The following C10orf88 variants were observed in gnomAD, a reference collection of about 807,000 sequenced individuals.
The protein encoded by C10orf88 is chromosome 10 open reading frame 88.
Under a neutral mutation model 34.2 loss-of-function variants are expected in C10orf88, and 29 were observed. That is an observed-to-expected ratio of 0.85 (90% CI 0.63 to 1.16). The LOEUF is 1.16. Ranked by LOEUF, C10orf88 falls within the 50% of genes most tolerant of loss-of-function variation. The pLI is 0.00. For missense variants in C10orf88, 507 were observed against 533.2 expected (o/e 0.95, Z 0.48); for synonymous variants, 194 against 197.4 (o/e 0.98, Z 0.15).
chr10:122,934,077 T>C (rs1471928868), intron 5 of C10orf88, among the ~76,000 whole-genome samples: 1 of 152,182 alleles, frequency 6.6e-6, no homozygotes, highest in Admixed American at 6.5e-5. Context: ...CTCTGTATTT[T>C]GAAATAATTA....
intron 4 of C10orf88, among the ~76,000 whole-genome samples, chr10:122,940,167 T>C (rs763227960): frequency 1.3e-5 from 2 of 151,978 alleles, no homozygotes; most frequent in African/African-American, 2.4e-5. Context: ...CATTGACTGA[T>C]GTATTGATAA....
At chr10:122,953,276 G>A (rs574875975) in intron 1 of C10orf88, among the ~76,000 whole-genome samples, 10 of 151,938 alleles carry the variant, frequency 6.6e-5, no homozygotes, top group Non-Finnish European at 1.5e-4. Context: ...ACGGGGTTTC[G>A]CCGTGTTAGC....
rs1448213814 is a variant in C10orf88, at chr10:122,949,683, TTGACTG to T, written c.442-834_442-829del. ...TCCATTTAATATTTTTGGACCTCAG[TTGACTG>T]TGGGTAATGGAAACTGTGGAAAGTG... is the stretch of plus-strand genomic sequence containing the variant. On this transcript the variant is annotated intron_variant, in intron 3 of 5. Transcript: ENST00000481909. Among the ~76,000 whole-genome samples the T allele has an allele frequency of 7.9e-5, 12 of 152,310 alleles. No individual in the cohort carries two copies. In the East Asian group the frequency reaches 2.1e-3, roughly 27 times the overall value.
chr10:122,945,901 A>G (rs917506947), intron 4 of C10orf88, among the ~76,000 whole-genome samples: 1 of 152,138 alleles, frequency 6.6e-6, no homozygotes, highest in Non-Finnish European at 1.5e-5. Flanking sequence ...GTTCGAGACC[A>G]GCCTGGCCAA....
At position 122,949,396 on chromosome 10, in the gene C10orf88, A is replaced by T. The variant is rs146474823; in HGVS notation, c.442-541T>A. ...TACTTACCCTTCCTGTAATGACGTG[A>T]CATGATAAAATGCCTACATAATGAG... On this transcript the variant is annotated intron_variant, in intron 3 of 5. Transcript: ENST00000481909. Among the ~76,000 whole-genome samples the T allele has an allele frequency of 7.5e-3, 1,142 of 152,330 alleles. 14 individuals are homozygous for T. The highest frequency in any genetic ancestry group is 0.026 in the African/African-American group (1,086 of 41,580).
intron 3 of C10orf88, 96 bp downstream of exon 3, chr10:122,951,858 G>A: frequency 3.9e-6 from 3 of 764,086 alleles, no homozygotes. Flanking sequence ...AAGCAAGCAA[G>A]TTGGACTAAT....
intron 2 of C10orf88, among the ~76,000 whole-genome samples, chr10:122,952,230 T>C (rs1202587448): frequency 1.3e-5 from 2 of 152,174 alleles, no homozygotes; most frequent in Non-Finnish European, 1.5e-5. Context: ...GAAAATTACA[T>C]TATATAACAT....
chr10:122,938,642 T>C (rs1305075035), intron 4 of C10orf88, among the ~76,000 whole-genome samples: 1 of 152,026 alleles, frequency 6.6e-6, no homozygotes, highest in Non-Finnish European at 1.5e-5. Context: ...TCTTTTGCAA[T>C]GAATTTTTCC....
chr10:122,944,706 C>A (rs1423238644), intron 4 of C10orf88, among the ~76,000 whole-genome samples: 4 of 151,908 alleles, frequency 2.6e-5, no homozygotes, highest in African/African-American at 7.2e-5. Context: ...ATGGAGTGTA[C>A]TTGAAAAAAT....
chr10:122,951,158 T>G (rs1848686471), intron 3 of C10orf88, among the ~76,000 whole-genome samples: 1 of 152,200 alleles, frequency 6.6e-6, no homozygotes, highest in South Asian at 2.1e-4. Context: ...CTTAACAATA[T>G]TTTTCATGCT....
rs995698255 is a variant in C10orf88 at position 122,931,188 on chromosome 10, T to C, written c.*1239A>G. ...TGTCATGGAGCTAGCAGGAGCGTTA[T>C]TTAGCACAGAAATAAGATTATAAAA... On this transcript the variant is annotated 3_prime_UTR_variant, in exon 6 of 6. Coordinates refer to ENST00000481909, the MANE Select transcript of C10orf88 (RefSeq NM_024942.4). 6.6e-5 allele frequency: 10 copies of C among 152,170 alleles called. No individual in the cohort carries two copies. The highest frequency in any genetic ancestry group is 1.0e-4 in the Non-Finnish European group (7 of 68,022). 9.4% of individuals were successfully genotyped at this position (152,170 alleles called of 1,614,324 possible). A position where few individuals can be genotyped will look rare whatever the true frequency, so the allele number is the denominator to read the frequency against.
intron 5 of C10orf88, 98 bp from the exon 6 acceptor site, chr10:122,932,759 T>C: frequency 1.2e-6 from 1 of 800,394 alleles, no homozygotes. Flanking sequence ...GAGATTTGTC[T>C]CCACAACTGT....
intron 4 of C10orf88, among the ~76,000 whole-genome samples, chr10:122,941,831 C>T (rs773251389): frequency 6.6e-6 from 1 of 152,002 alleles, no homozygotes; most frequent in Non-Finnish European, 1.5e-5. Context: ...AGTTATTGTA[C>T]AGTGTACATA....
Position 122,932,472 on chromosome 10 carries a change from T to TA in C10orf88, c.1292dup (p.Arg432LysfsTer4). The TA allele has an allele frequency of 6.2e-7, 1 of 1,614,020 alleles. No homozygotes were observed. The highest frequency in any genetic ancestry group is 8.5e-7 in the Non-Finnish European group (1 of 1,179,932). ...GTCTTTCTCCAGAGTCATAATGTCTTAGAGGTATCCCAGTGGGCGGGGAGT... is the reference window on the plus strand; with the variant it reads ...GTCTTTCTCCAGAGTCATAATGTCTTAAGAGGTATCCCAGTGGGCGGGGAGT... On this transcript the variant is annotated frameshift_variant, in exon 6 of 6. Transcript: ENST00000481909. LOFTEE classifies it high-confidence loss of function.
At chr10:122,953,904 C>G in intron 1 of C10orf88, 111 bp downstream of exon 1, 1 of 1,076,200 alleles carries the variant, frequency 9.3e-7, no homozygotes, top group Non-Finnish European at 1.2e-6. Context: ...GACCTGGTAC[C>G]AACTGCTCTC....
rs1330475935 is a variant in C10orf88, at chr10:122,931,358, T to C, written c.*1069A>G. 1 of 152,136 alleles carries C rather than the reference T, an allele frequency of 6.6e-6. No homozygotes were observed. The allele number at this position is 152,136 out of a possible 1,614,324, so 9.4% of individuals were successfully genotyped here. A position where few individuals can be genotyped will look rare whatever the true frequency, so the allele number is the denominator to read the frequency against. On this transcript the variant is annotated 3_prime_UTR_variant, in exon 6 of 6. Coordinates refer to ENST00000481909, the MANE Select transcript of C10orf88 (RefSeq NM_024942.4). The stretch of plus-strand genomic sequence containing the variant: ...TTAGGGCAGGGTAAAAATTCAGCTA[T>C]GTCACGCAGGAATTACATCAGGTAA...
At chr10:122,939,118 G>A (rs1455463451) in intron 4 of C10orf88, among the ~76,000 whole-genome samples, 4 of 151,928 alleles carry the variant, frequency 2.6e-5, no homozygotes, top group East Asian at 1.9e-4. Flanking sequence ...AGACTAAGCC[G>A]GAACAACATT....
intron 2 of C10orf88, among the ~76,000 whole-genome samples, chr10:122,952,345 T>A (rs1403155943): frequency 1.3e-5 from 2 of 152,202 alleles, no homozygotes; most frequent in Non-Finnish European, 2.9e-5. Flanking sequence ...TAAAGACAGA[T>A]TGGAGAAAAA....
Position 122,948,905 on chromosome 10 carries a change from C to T in C10orf88, c.442-50G>A, listed in dbSNP as rs1848665436. 3 of 1,499,238 alleles carry T rather than the reference C, an allele frequency of 2.0e-6. No homozygotes were observed. In the African/African-American group the frequency reaches 4.2e-5, roughly 21 times the overall value. 92.9% of individuals were successfully genotyped at this position (1,499,238 alleles called of 1,614,324 possible). On this transcript the variant is annotated intron_variant, in intron 3 of 5. Coordinates refer to ENST00000481909, the MANE Select transcript of C10orf88 (RefSeq NM_024942.4). ...AAAGAATGATATTAAAAACAATAAT[C>T]ATTTAATGTAACTTCTTGGTATGAC...
Sources: allele counts gnomAD v4.1 joint callset (sites outside exome capture counted in the v4.1 genomes callset), GRCh38; gene constraint gnomAD v4.1.1; transcripts MANE v1.5; gene names NCBI Gene and HGNC (gene_info 2026-07-23, HGNC 2026-07-21).